NAV2: variants seen among roughly 807,000 people sequenced by gnomAD.
NAV2 encodes neuron navigator 2.
NAV2 carries 54 observed loss-of-function variants against 223.2 expected under a neutral mutation model. That is an observed-to-expected ratio of 0.24 (90% confidence interval 0.19 to 0.30). The LOEUF is 0.30. NAV2 is among the 10% of genes least tolerant of loss of function. The pLI is 1.00. For synonymous variants in NAV2, 1,279 were observed against 1,239.3 expected, an observed-to-expected ratio of 1.03 and a Z score of -0.67; for missense variants, 2,806 against 3,147.5, an observed-to-expected ratio of 0.89 and a Z score of 2.60.
At chr11:20,051,622 G>T (rs1484806247) in intron 17 of NAV2, among the ~76,000 whole-genome samples, 1 of 152,164 alleles carries the variant, frequency 6.6e-6, no homozygotes, top group Non-Finnish European at 1.5e-5. Flanking sequence ...CTGCTTCTGG[G>T]GCCAATGGGT....
chr11:19,724,186 G>C (rs1481046346), intron 1 of NAV2, among the ~76,000 whole-genome samples: 7 of 152,132 alleles, frequency 4.6e-5, no homozygotes, highest in African/African-American at 1.7e-4. Context: ...CAGTCACCCA[G>C]CTCCAAAGAG....
intron 6 of NAV2, among the ~76,000 whole-genome samples, chr11:19,923,110 G>A (rs1229081298): frequency 6.6e-6 from 1 of 152,106 alleles, no homozygotes; most frequent in African/African-American, 2.4e-5. Flanking sequence ...ACATCACAGG[G>A]GGAAATAAGG....
chr11:19,369,535 G>T (rs1363867422), intron 1 of NAV2, among the ~76,000 whole-genome samples: 1 of 152,042 alleles, frequency 6.6e-6, no homozygotes, highest in East Asian at 1.9e-4. Context: ...ATGCTGTGTG[G>T]TTCATTTTTA....
chr11:19,801,275 G>C (rs117148909), intron 1 of NAV2, among the ~76,000 whole-genome samples: 5,774 of 152,258 alleles, frequency 0.038, 156 homozygotes, highest in Middle Eastern at 0.051. Context: ...GTGGTGGTGC[G>C]GCCTGCCCCC....
intron 2 of NAV2, among the ~76,000 whole-genome samples, chr11:19,842,144 C>T (rs2060545801): frequency 6.6e-6 from 1 of 152,166 alleles, no homozygotes; most frequent in Non-Finnish European, 1.5e-5. Context: ...TGTGTTATGC[C>T]AGGGACTCCT....
chr11:19,460,688 T>C (rs1470082841), intron 1 of NAV2, among the ~76,000 whole-genome samples: 2 of 149,422 alleles, frequency 1.3e-5, no homozygotes, highest in African/African-American at 2.4e-5. Flanking sequence ...TTAGGAGATA[T>C]ACCTAATGTA....
At chr11:19,559,151 C>T (rs11828964) in intron 1 of NAV2, among the ~76,000 whole-genome samples, 14,150 of 152,222 alleles carry the variant, frequency 0.093, 2,200 homozygotes, top group African/African-American at 0.32. Context: ...AACCACCTAC[C>T]ACAGGTACTT....
intron 11 of NAV2, among the ~76,000 whole-genome samples, chr11:20,023,789 T>C (rs1257650846): frequency 2.0e-5 from 3 of 151,064 alleles, no homozygotes; most frequent in African/African-American, 7.3e-5. Flanking sequence ...GGACTTTTCT[T>C]GCTACCTTAT....
At chr11:19,927,185 T>G (rs999832979) in intron 6 of NAV2, among the ~76,000 whole-genome samples, 1 of 152,240 alleles carries the variant, frequency 6.6e-6, no homozygotes, top group African/African-American at 2.4e-5. Context: ...AAACTTTTCC[T>G]TCTTACAGTG....
chr11:19,366,974 T>C (rs1848306472), intron 1 of NAV2, among the ~76,000 whole-genome samples: 1 of 152,222 alleles, frequency 6.6e-6, no homozygotes. Context: ...AGAGCAGTTT[T>C]TCTTAAGTCT....
At chr11:19,627,580 A>G (rs969434780) in intron 1 of NAV2, among the ~76,000 whole-genome samples, 2 of 152,022 alleles carry the variant, frequency 1.3e-5, no homozygotes, top group African/African-American at 4.8e-5. Flanking sequence ...TGTGCCACAG[A>G]CCTTTAAGTG....
intron 1 of NAV2, among the ~76,000 whole-genome samples, chr11:19,819,511 G>C (rs751179442): frequency 2.0e-5 from 3 of 152,186 alleles, no homozygotes; most frequent in Non-Finnish European, 4.4e-5. Context: ...AGGAGAAGGG[G>C]GAGTTCTGCT....
intron 34 of NAV2, 69 bp from the exon 35 acceptor site, chr11:20,105,462 T>C (rs182445725): frequency 3.6e-4 from 488 of 1,352,086 alleles, no homozygotes; most frequent in Non-Finnish European, 4.6e-4. Flanking sequence ...TAACGTGCTT[T>C]GGTTCCTGAG....
intron 1 of NAV2, among the ~76,000 whole-genome samples, chr11:19,771,932 C>G (rs1337462570): frequency 6.6e-6 from 1 of 152,132 alleles, no homozygotes; most frequent in Non-Finnish European, 1.5e-5. Context: ...TGTTCCAAGG[C>G]TGACCTTTTG....
chr11:19,855,808 T>C (rs548300191), intron 3 of NAV2, among the ~76,000 whole-genome samples: 18 of 152,334 alleles, frequency 1.2e-4, no homozygotes, highest in African/African-American at 4.1e-4. Flanking sequence ...GGATAGGGTG[T>C]TTCTTCCTAC....
intron 11 of NAV2, among the ~76,000 whole-genome samples, chr11:19,987,215 C>T (rs565022202): frequency 6.6e-6 from 1 of 152,208 alleles, no homozygotes; most frequent in East Asian, 1.9e-4. Flanking sequence ...GCTGCAATTT[C>T]GATAATACTG....
chr11:19,442,825 T>C (rs1219532313), intron 1 of NAV2, among the ~76,000 whole-genome samples: 1 of 152,216 alleles, frequency 6.6e-6, no homozygotes, highest in Non-Finnish European at 1.5e-5. Context: ...TTCCAGTAGC[T>C]TCAAGAATGT....
chr11:19,655,801 G>A (rs2048107883), intron 1 of NAV2, among the ~76,000 whole-genome samples: 1 of 151,514 alleles, frequency 6.6e-6, no homozygotes, highest in African/African-American at 2.4e-5. Context: ...TAAATGATGA[G>A]TTAATGGGTG....
intron 11 of NAV2, among the ~76,000 whole-genome samples, chr11:20,024,735 G>A (rs568476241): frequency 6.6e-6 from 1 of 152,302 alleles, no homozygotes; most frequent in East Asian, 1.9e-4. Flanking sequence ...CTGCCCTGGG[G>A]CAACTGTGGT....
Sources: gnomAD v4.1 joint callset for allele counts (sites outside exome capture counted in the v4.1 genomes callset) on GRCh38, gnomAD v4.1.1 for gene constraint, MANE v1.5 for transcripts, NCBI Gene and HGNC (gene_info 2026-07-23, HGNC 2026-07-21) for gene names.